The following DGKB variants were observed in gnomAD, a reference collection of about 807,000 sequenced individuals.
The protein encoded by DGKB is diacylglycerol kinase beta.
In DGKB, 67 loss-of-function variants were observed where a neutral mutation model predicts 114.3. The observed-to-expected ratio is 0.59, with a 90% CI of 0.48 to 0.72. DGKB has a LOEUF of 0.72. Ranked by LOEUF, DGKB falls within the 30% of genes least tolerant of loss-of-function variation. The pLI is 0.00. For missense variants in DGKB, 907 were observed against 975.2 expected, an observed-to-expected ratio of 0.93 and a Z score of 0.93; for synonymous variants, 398 against 323.1, an observed-to-expected ratio of 1.23 and a Z score of -2.49.
At chr7:14,577,590 C>A (rs1339351320) in intron 19 of DGKB, among the ~76,000 whole-genome samples, 1 of 151,806 alleles carries the variant, frequency 6.6e-6, no homozygotes, top group East Asian at 1.9e-4. Flanking sequence ...GCACTCCAGC[C>A]TGGGCCAAAG....
chr7:14,891,022 A>C (rs924426650), intron 1 of DGKB, among the ~76,000 whole-genome samples: 4 of 151,466 alleles, frequency 2.6e-5, no homozygotes, highest in African/African-American at 4.8e-5. Flanking sequence ...AGAAAATATA[A>C]GTATTACTGT....
intron 2 of DGKB, among the ~76,000 whole-genome samples, chr7:14,778,699 G>C (rs374892238): frequency 1.3e-5 from 2 of 152,304 alleles, no homozygotes; most frequent in East Asian, 1.9e-4. Flanking sequence ...TCAGTTAGAA[G>C]GGAGAGGTGA....
intron 1 of DGKB, among the ~76,000 whole-genome samples, chr7:14,962,138 G>C (rs1202293768): frequency 6.6e-6 from 1 of 152,110 alleles, no homozygotes; most frequent in Non-Finnish European, 1.5e-5. Flanking sequence ...TCAATCATCA[G>C]TTTAATTCAT....
chr7:14,689,120 C>A (rs1261110223), intron 9 of DGKB, among the ~76,000 whole-genome samples: 2 of 141,230 alleles, frequency 1.4e-5, no homozygotes, highest in African/African-American at 5.2e-5. Flanking sequence ...CATTAAATAA[C>A]AAAGAACATT....
At chr7:14,730,299 A>C (rs1364104976) in intron 5 of DGKB, among the ~76,000 whole-genome samples, 1 of 152,170 alleles carries the variant, frequency 6.6e-6, no homozygotes, top group East Asian at 1.9e-4. Flanking sequence ...GCGATGGAGA[A>C]GGGACAGGGA....
At chr7:14,746,498 CTTTT>C (rs1348101305) in intron 4 of DGKB, among the ~76,000 whole-genome samples, 1 of 151,866 alleles carries the variant, frequency 6.6e-6, no homozygotes, top group Non-Finnish European at 1.5e-5. Context: ...TTTAATTTTC[CTTTT>C]TTTATTTTTT....
At chr7:14,225,522 C>G (rs1790656223) in intron 23 of DGKB, among the ~76,000 whole-genome samples, 1 of 151,940 alleles carries the variant, frequency 6.6e-6, no homozygotes, top group Admixed American at 6.6e-5. Flanking sequence ...GAAAGAGAAA[C>G]TTTTACTTTT....
chr7:14,621,488 G>T lies in DGKB; in HGVS notation c.1174C>A (p.Gln392Lys). The change falls in exon 15 of 26, where the codon CAA (glutamine) becomes AAA (lysine). Residue 392 changes from glutamine to lysine, a missense_variant. Physicochemically the swap from Gln to Lys is moderately conservative, Grantham distance 53. This residue lies in a region of DGKB where 814 missense variants were observed against 856.6 expected (regional missense o/e 0.95). Transcript: ENST00000402815. The stretch of plus-strand genomic sequence containing the variant: ...CTCTTTTCCTTTTTCACTGTTGATT[G>T]TCTTTCCTGTAAAAAAGAAAATTTT... ...TSGVSVPEERQSTVKKEKSGS... is the reference protein window; with the variant it reads ...TSGVSVPEERKSTVKKEKSGS... The T allele has an allele frequency of 6.3e-7, 1 of 1,581,064 alleles. No individual in the cohort carries two copies. The highest frequency in any genetic ancestry group is 8.6e-7 in the Non-Finnish European group (1 of 1,164,022).
intron 20 of DGKB, among the ~76,000 whole-genome samples, chr7:14,508,897 G>A (rs771799237): frequency 6.6e-5 from 10 of 152,086 alleles, no homozygotes; most frequent in Non-Finnish European, 1.5e-4. Flanking sequence ...TCAGTTTAAG[G>A]TATATGTAGG....
intron 6 of DGKB, among the ~76,000 whole-genome samples, chr7:14,705,273 G>T (rs575905421): frequency 0.012 from 1,834 of 150,346 alleles, 36 homozygotes; most frequent in African/African-American, 0.043. Context: ...AGAGAAAAAA[G>T]AATAAAAAGA....
chr7:14,889,350 A>G (rs1262931147), intron 1 of DGKB, among the ~76,000 whole-genome samples: 1 of 151,608 alleles, frequency 6.6e-6, no homozygotes, highest in Non-Finnish European at 1.5e-5. Flanking sequence ...TAATCATCTG[A>G]ATGGGAGGTT....
rs140590805 is a variant in DGKB, at chr7:14,631,445, C to G, written c.1135-1177G>C. ...AATTAAGGTGTTCAGGAATACAGCT[C>G]TATTTGGAAGATATTTCCATAATAT... On this transcript the variant is annotated intron_variant, in intron 13 of 25. Coordinates refer to ENST00000402815, the MANE Select transcript of DGKB (RefSeq NM_001350709.2). Among the ~76,000 whole-genome samples, 117 of 152,002 alleles carry G rather than the reference C, an allele frequency of 7.7e-4. 1 individual carries two copies. The highest frequency in any genetic ancestry group is 2.7e-3 in the African/African-American group (110 of 41,498).
At chr7:14,863,883 T>G (rs1351489950) in intron 1 of DGKB, among the ~76,000 whole-genome samples, 2 of 152,032 alleles carry the variant, frequency 1.3e-5, no homozygotes, top group African/African-American at 4.8e-5. Context: ...GTGGATCATG[T>G]GAGGTCAGGA....
chr7:14,221,734 G>T (rs1470603286), intron 23 of DGKB, among the ~76,000 whole-genome samples: 1 of 151,222 alleles, frequency 6.6e-6, no homozygotes. Flanking sequence ...GTGAATAGTG[G>T]ATATTAATTT....
At chr7:14,199,832 A>G (rs1562596871) in intron 23 of DGKB, among the ~76,000 whole-genome samples, 1 of 152,108 alleles carries the variant, frequency 6.6e-6, no homozygotes, top group Admixed American at 6.6e-5. Flanking sequence ...AGCTTTCTGG[A>G]TAACAATATT....
At chr7:14,178,267 G>T in intron 23 of DGKB, 116 bp from the exon 24 acceptor site, 1 of 1,139,968 alleles carries the variant, frequency 8.8e-7, no homozygotes, top group Non-Finnish European at 1.2e-6. Context: ...AAGAAAGCTT[G>T]TCTTAGAAAC....
chr7:14,168,291 A>C (rs1784896362), intron 25 of DGKB, among the ~76,000 whole-genome samples: 1 of 152,232 alleles, frequency 6.6e-6, no homozygotes, highest in Non-Finnish European at 1.5e-5. Context: ...GGAAATAAAA[A>C]GTGAACAGAC....
chr7:14,550,416 T>C (rs1429586482), intron 20 of DGKB, among the ~76,000 whole-genome samples: 1 of 152,184 alleles, frequency 6.6e-6, no homozygotes, highest in Non-Finnish European at 1.5e-5. Flanking sequence ...AGAATCTTTT[T>C]GTGATTGGTA....
At position 14,923,983 on chromosome 7, in the gene DGKB, C is replaced by CAAAAAAAAA. The variant is rs56032330; in HGVS notation, c.-188+50704_-188+50712dup. Among the ~76,000 whole-genome samples, 204 of 76,142 alleles carry CAAAAAAAAA rather than the reference C, an allele frequency of 2.7e-3. 13 individuals are homozygous for CAAAAAAAAA. Among genetic ancestry groups the CAAAAAAAAA allele is most frequent in the African/African-American group, 0.012 (169 of 13,686 alleles). The allele number at this position is 76,142 out of a possible 152,430, so 50.0% of individuals were successfully genotyped here. A position where few individuals can be genotyped will look rare whatever the true frequency, so the allele number is the denominator to read the frequency against. ...TGGGCAACACAGTGAAGCTCCATCT[C>CAAAAAAAAA]AAAAAAAAAAAAAAAAAAAAAGCTT... On this transcript the variant is annotated intron_variant, in intron 1 of 4. Transcript: ENST00000437998.
Sources: gnomAD v4.1 joint callset for allele counts (sites outside exome capture counted in the v4.1 genomes callset) on GRCh38, gnomAD v4.1.1 for gene constraint, gnomAD v4.1.1 regional missense constraint, MANE v1.5 for transcripts, NCBI Gene and HGNC (gene_info 2026-07-23, HGNC 2026-07-21) for gene names.